TMEM132C: variants seen among roughly 807,000 people sequenced by gnomAD.
TMEM132C encodes protein phosphatase 1, regulatory subunit 152.
Under a neutral mutation model 61.4 loss-of-function variants are expected in TMEM132C, and 29 were observed. That is an observed-to-expected ratio of 0.47 (90% CI 0.35 to 0.64). TMEM132C has a LOEUF of 0.64. Among genes scored for constraint, TMEM132C ranks in the 30% least tolerant of loss-of-function variants. The pLI, the probability that TMEM132C is intolerant of heterozygous loss-of-function variation, is 0.00. For synonymous variants in TMEM132C, 656 were observed against 633.1 expected, an observed-to-expected ratio of 1.04 and a Z score of -0.54; for missense variants, 1,408 against 1,476.9, an observed-to-expected ratio of 0.95 and a Z score of 0.76.
chr12:128,543,200 G>C (rs1416201135), intron 2 of TMEM132C, among the ~76,000 whole-genome samples: 1 of 152,152 alleles, frequency 6.6e-6, no homozygotes, highest in African/African-American at 2.4e-5. Context: ...AAGCAGGTTG[G>C]GGACTTCCCT....
Position 128,616,139 on chromosome 12 carries a change from TTC to T in TMEM132C, c.1122-7_1122-6del. ...AAAGTTGGCTTAAAGCCAGTTTCTTTTCTCTCTTCCAGGAGCAGCAGTTTATT... is the reference window on the plus strand; with the variant it reads ...AAAGTTGGCTTAAAGCCAGTTTCTTTTCTCTTCCAGGAGCAGCAGTTTATT... On this transcript the variant is annotated splice_polypyrimidine_tract_variant and intron_variant, in intron 3 of 8. Transcript: ENST00000435159. The T allele has an allele frequency of 1.9e-6, 3 of 1,548,924 alleles. No homozygotes were observed. Among genetic ancestry groups the T allele is most frequent in the Non-Finnish European group, 1.7e-6 (2 of 1,145,634 alleles).
At chr12:128,626,513 C>T (rs1954018677) in intron 4 of TMEM132C, among the ~76,000 whole-genome samples, 1 of 147,244 alleles carries the variant, frequency 6.8e-6, no homozygotes, top group Non-Finnish European at 1.5e-5. Flanking sequence ...GGTGTGATCT[C>T]GGCTCACTGC....
At chr12:128,504,197 G>T (rs1228997435) in intron 2 of TMEM132C, among the ~76,000 whole-genome samples, 3 of 152,098 alleles carry the variant, frequency 2.0e-5, no homozygotes, top group Non-Finnish European at 4.4e-5. Flanking sequence ...GAATCCACAG[G>T]CCAGTTCAGA....
intron 2 of TMEM132C, among the ~76,000 whole-genome samples, chr12:128,445,197 T>TAAA (rs5801797): frequency 7.4e-5 from 11 of 149,278 alleles, no homozygotes; most frequent in African/African-American, 2.0e-4. Context: ...AAATGTTACA[T>TAAA]AAAAAAAAAA....
chr12:128,329,216 G>A (rs1872607500), intron 1 of TMEM132C, among the ~76,000 whole-genome samples: 1 of 152,190 alleles, frequency 6.6e-6, no homozygotes, highest in African/African-American at 2.4e-5. Context: ...CAATACGGTT[G>A]AACCTTCGGA....
chr12:128,337,432 GTGTGGATTTT>G, intron 1 of TMEM132C, among the ~76,000 whole-genome samples: 1 of 152,312 alleles, frequency 6.6e-6, no homozygotes, highest in East Asian at 1.9e-4. Context: ...TTGGAAATGT[GTGTGGATTTT>G]TCCAAGGAGG....
chr12:128,676,740 G>C (rs1319722666), intron 5 of TMEM132C, among the ~76,000 whole-genome samples: 3 of 152,190 alleles, frequency 2.0e-5, no homozygotes, highest in Non-Finnish European at 4.4e-5. Flanking sequence ...GTCCTGGTTT[G>C]TCTTACAGAA....
intron 1 of TMEM132C, among the ~76,000 whole-genome samples, chr12:128,276,377 G>A (rs573666863): frequency 8.0e-4 from 122 of 152,244 alleles, no homozygotes; most frequent in African/African-American, 2.9e-3. Context: ...CAACAATATC[G>A]GGGAATAGGA....
chr12:128,342,732 G>T (rs1457724294), intron 1 of TMEM132C, among the ~76,000 whole-genome samples: 2 of 152,174 alleles, frequency 1.3e-5, no homozygotes, highest in Admixed American at 1.3e-4. Flanking sequence ...AAGGAATTCT[G>T]CTGCCTGGAA....
chr12:128,575,046 C>G (rs73161906), intron 3 of TMEM132C, among the ~76,000 whole-genome samples: 1 of 152,168 alleles, frequency 6.6e-6, no homozygotes, highest in Non-Finnish European at 1.5e-5. Flanking sequence ...TACAATTCCT[C>G]GCTGTGTCTT....
At chr12:128,606,109 C>G (rs1042867277) in intron 3 of TMEM132C, among the ~76,000 whole-genome samples, 1 of 152,222 alleles carries the variant, frequency 6.6e-6, no homozygotes, top group Non-Finnish European at 1.5e-5. Context: ...AGCCAAGACA[C>G]CCAAACCTCT....
chr12:128,480,733 G>T (rs557576840), intron 2 of TMEM132C, among the ~76,000 whole-genome samples: 1 of 152,268 alleles, frequency 6.6e-6, no homozygotes, highest in South Asian at 2.1e-4. Context: ...TGTGAGACCT[G>T]AACAGCCTCC....
In TMEM132C at chr12:128,705,235, C is replaced by A; in HGVS notation, c.2267C>A (p.Pro756His). The part of the protein sequence containing the change: ...SVPQPRSPRW[P>H]VVVAEGEGQG... ...CCCCAGCCCCGCTCTCCCAGGTGGCCCGTTGTGGTGGCCGAAGGGGAAGGC... is the reference window on the plus strand; with the variant it reads ...CCCCAGCCCCGCTCTCCCAGGTGGCACGTTGTGGTGGCCGAAGGGGAAGGC... The change falls in exon 9 of 9, where the codon CCC becomes CAC. Residue 756 changes from proline (P) to histidine (H), a missense_variant. Transcript: ENST00000435159. 1 of 1,551,690 alleles carries A rather than the reference C, an allele frequency of 6.4e-7. No homozygotes were observed. Among genetic ancestry groups the A allele is most frequent in the Non-Finnish European group, 8.7e-7 (1 of 1,146,998 alleles).
intron 2 of TMEM132C, among the ~76,000 whole-genome samples, chr12:128,536,388 T>C (rs1209460068): frequency 6.6e-6 from 1 of 151,446 alleles, no homozygotes; most frequent in Non-Finnish European, 1.5e-5. Flanking sequence ...CCAGGGCCTG[T>C]CATGGGGTGG....
chr12:128,601,438 C>A (rs1876183115), intron 3 of TMEM132C, among the ~76,000 whole-genome samples: 1 of 152,186 alleles, frequency 6.6e-6, no homozygotes, highest in East Asian at 1.9e-4. Context: ...AGAACGGTGT[C>A]CTTGCTGCCA....
intron 3 of TMEM132C, among the ~76,000 whole-genome samples, chr12:128,615,071 G>A (rs570728392): frequency 7.2e-5 from 11 of 152,274 alleles, no homozygotes; most frequent in South Asian, 2.1e-4. Flanking sequence ...CTTCCTCTAC[G>A]TCCCAAATGA....
chr12:128,559,980 G>T (rs1874457021), intron 3 of TMEM132C, among the ~76,000 whole-genome samples: 1 of 152,212 alleles, frequency 6.6e-6, no homozygotes, highest in African/African-American at 2.4e-5. Context: ...GGGCATGGTG[G>T]CTCATGCCTA....
At chr12:128,587,654 C>T (rs2135563972) in intron 3 of TMEM132C, among the ~76,000 whole-genome samples, 1 of 152,316 alleles carries the variant, frequency 6.6e-6, no homozygotes, top group East Asian at 1.9e-4. Flanking sequence ...CAGATTCTCC[C>T]AATGAGTCCT....
chr12:128,535,586 C>T lies in TMEM132C; in HGVS notation c.975-8371C>T, dbSNP rs147117834. ...TGGCAATCATTAAAAAGTCAGAAAA[C>T]AGGCCGGTGCAGTGGCTCACGCCTG... On this transcript the variant is annotated intron_variant, in intron 2 of 8. Coordinates refer to ENST00000435159, the MANE Select transcript of TMEM132C (RefSeq NM_001136103.3). 1.2e-4 allele frequency among the ~76,000 whole-genome samples: 19 copies of T among 152,270 alleles called. No individual in the cohort carries two copies. In the East Asian group the frequency reaches 3.7e-3, roughly 29 times the overall value.
Sources: allele counts gnomAD v4.1 joint callset (sites outside exome capture counted in the v4.1 genomes callset), GRCh38; gene constraint gnomAD v4.1.1; transcripts MANE v1.5; gene names NCBI Gene and HGNC (gene_info 2026-07-23, HGNC 2026-07-21).